The following IPO8 variants were observed in gnomAD, a reference collection of about 807,000 sequenced individuals.
IPO8 encodes the protein importin 8, also known as importin-8.
Under a neutral mutation model 141.2 loss-of-function variants are expected in IPO8, and 65 were observed. That is an observed-to-expected ratio of 0.46 (90% CI 0.38 to 0.57). The LOEUF (loss-of-function observed/expected upper bound fraction) is 0.57, where lower values mean the gene tolerates loss of function less well. Among genes scored for constraint, IPO8 ranks in the 20% least tolerant of loss-of-function variants. The probability of loss-of-function intolerance (pLI) is 0.00; values close to 1 mark genes in which losing one functional copy is unlikely to be tolerated. For synonymous variants in IPO8, 411 were observed against 420.3 expected, an observed-to-expected ratio of 0.98 and a Z score of 0.27; for missense variants, 980 against 1,246.8, an observed-to-expected ratio of 0.79 and a Z score of 3.22.
intron 18 of IPO8, 130 bp from the exon 19 acceptor site, chr12:30,652,419 G>A (rs1285784721): frequency 4.6e-6 from 3 of 651,892 alleles, no homozygotes; most frequent in African/African-American, 1.8e-5. Context: ...GGCTAGAAAT[G>A]AAAGTAATAA....
chr12:30,668,826 T>C (rs1467151760), intron 10 of IPO8, among the ~76,000 whole-genome samples: 1 of 152,180 alleles, frequency 6.6e-6, no homozygotes, highest in Non-Finnish European at 1.5e-5. Context: ...CCCTAAAATA[T>C]GCAGAAATCC....
chr12:30,639,763 C>CA, intron 20 of IPO8, 28 bp from the exon 21 acceptor site: 5 of 1,548,028 alleles, frequency 3.2e-6, no homozygotes, highest in Non-Finnish European at 4.5e-6. Context: ...GAAAGTCAAC[C>CA]ACACAGACAG....
intron 20 of IPO8, among the ~76,000 whole-genome samples, chr12:30,643,520 C>T (rs891887531): frequency 5.3e-5 from 8 of 152,162 alleles, no homozygotes; most frequent in Non-Finnish European, 8.8e-5. Context: ...GAAATTTGAT[C>T]CCCAGTGTGG....
rs950689636 is a variant in IPO8 at position 30,663,708 on chromosome 12, A to G, written c.1429-54T>C. ...GCTATTAGGATTATAGCATTCTGTA[A>G]TAATATCACAGATATAAGAACTTCT... On this transcript the variant is annotated intron_variant, in intron 13 of 24. Transcript: ENST00000256079. 4 of 1,326,342 alleles carry G rather than the reference A, an allele frequency of 3.0e-6. No individual in the cohort carries two copies. In the East Asian group the frequency reaches 9.8e-5, roughly 33 times the overall value. The allele number at this position is 1,326,342 out of a possible 1,614,324, so 82.2% of individuals were successfully genotyped here.
In IPO8 at chr12:30,651,775, C is replaced by G. The variant is rs957405164; in HGVS notation, c.2172+417G>C. On this transcript the variant is annotated intron_variant, in intron 19 of 24. Transcript: ENST00000256079. ...TTATAGATTATCTTGTTAAATGATG[C>G]TTTTCCAACTATTAAAATTTTTATC... Among the ~76,000 whole-genome samples the G allele has an allele frequency of 5.9e-5, 9 of 152,122 alleles. No homozygotes were observed. In the East Asian group the frequency reaches 1.4e-3, roughly 23 times the overall value.
At chr12:30,642,655 T>C (rs908415936) in intron 20 of IPO8, among the ~76,000 whole-genome samples, 2 of 151,098 alleles carry the variant, frequency 1.3e-5, no homozygotes, top group Non-Finnish European at 2.9e-5. Context: ...ATTATATATA[T>C]ACACACATAT....
intron 20 of IPO8, among the ~76,000 whole-genome samples, chr12:30,644,639 TG>T (rs921286784): frequency 1.1e-5 from 1 of 92,584 alleles, no homozygotes; most frequent in African/African-American, 5.9e-5. Context: ...TGCTTTTTGG[TG>T]TTTTTTTTTT....
At chr12:30,661,981 G>T (rs886432666) in intron 15 of IPO8, among the ~76,000 whole-genome samples, 20 of 152,122 alleles carry the variant, frequency 1.3e-4, no homozygotes, top group African/African-American at 4.8e-4. Context: ...GAAATGTGTC[G>T]TTAGGCAATT....
intron 15 of IPO8, among the ~76,000 whole-genome samples, chr12:30,661,538 G>A (rs2052887289): frequency 6.7e-6 from 1 of 148,592 alleles, no homozygotes; most frequent in South Asian, 2.1e-4. Context: ...TAGGACAAGT[G>A]AAATCAAGTA....
At chr12:30,655,937 G>C (rs532051110) in intron 17 of IPO8, among the ~76,000 whole-genome samples, 30 of 152,252 alleles carry the variant, frequency 2.0e-4, no homozygotes, top group African/African-American at 7.2e-4. Context: ...GCTTGAATAC[G>C]ATGGAAGACT....
chr12:30,662,381 TATC>T lies in IPO8; in HGVS notation c.1698_1700del (p.Met566del). 6.2e-7 allele frequency: 1 copy of T among 1,613,890 alleles called. No individual in the cohort carries two copies. Among genetic ancestry groups the T allele is most frequent in the Non-Finnish European group, 8.5e-7 (1 of 1,179,870 alleles). ...AGGCTACCTCTTGACTGTATTCACATATCATCTTCTGGATGACATTAGTAACAT... is the reference window on the plus strand; with the variant it reads ...AGGCTACCTCTTGACTGTATTCACATATCTTCTGGATGACATTAGTAACAT... On this transcript the variant is annotated inframe_deletion, in exon 15 of 25. Transcript: ENST00000256079.
At chr12:30,656,024 T>C (rs59483134) in intron 17 of IPO8, among the ~76,000 whole-genome samples, 10,872 of 152,220 alleles carry the variant, frequency 0.071, 1,160 homozygotes, top group African/African-American at 0.23. Flanking sequence ...TCAGGTACCA[T>C]AATAGATAAT....
chr12:30,692,400 T>C lies in IPO8; in HGVS notation c.85-1823A>G, dbSNP rs1212898149. 3.9e-5 allele frequency among the ~76,000 whole-genome samples: 6 copies of C among 152,210 alleles called. No homozygotes were observed. In the East Asian group the frequency reaches 9.6e-4, roughly 24 times the overall value. Reference sequence around the variant, plus strand: ...CAGCATTGATTCATTCTATATTAACTTGGCCAGCTAAAACATTCAGAGATA... The same window carrying C: ...CAGCATTGATTCATTCTATATTAACCTGGCCAGCTAAAACATTCAGAGATA... On this transcript the variant is annotated intron_variant, in intron 1 of 24. Transcript: ENST00000256079.
intron 22 of IPO8, among the ~76,000 whole-genome samples, chr12:30,636,273 T>C (rs1565492486): frequency 6.6e-6 from 1 of 152,116 alleles, no homozygotes; most frequent in African/African-American, 2.4e-5. Context: ...GGAAGAGTTC[T>C]GATTTTTCTC....
rs867496275 is a variant in IPO8 at position 30,677,116 on chromosome 12, G to T, written c.640-529C>A. On this transcript the variant is annotated intron_variant, in intron 5 of 24. Coordinates refer to ENST00000256079, the MANE Select transcript of IPO8 (RefSeq NM_006390.4). ...CCATTCAGTACAAAACATGCTACAT[G>T]CTACAGACATAATAAGATAGACAAT... 2.0e-5 allele frequency: 30 copies of T among 1,483,596 alleles called. 2 individuals are homozygous for T. In the Middle Eastern group the frequency reaches 4.0e-3, roughly 198 times the overall value. The allele number at this position is 1,483,596 out of a possible 1,614,324, so 91.9% of individuals were successfully genotyped here. A position where few individuals can be genotyped will look rare whatever the true frequency, so the allele number is the denominator to read the frequency against.
Position 30,666,152 on chromosome 12 carries a change from A to T in IPO8, c.1221+23T>A, listed in dbSNP as rs776204647. On this transcript the variant is annotated intron_variant, in intron 11 of 24. Coordinates refer to ENST00000256079, the MANE Select transcript of IPO8 (RefSeq NM_006390.4). The stretch of plus-strand genomic sequence containing the variant: ...AACACAGGCCACCTTTCAGTTTTGG[A>T]TTTAAAAAGAAAAATGAAATACCTC... 6 of 1,481,476 alleles carry T rather than the reference A, an allele frequency of 4.1e-6. No individual in the cohort carries two copies. In the Admixed American group the frequency reaches 8.1e-5, roughly 20 times the overall value. 91.8% of individuals were successfully genotyped at this position (1,481,476 alleles called of 1,614,324 possible). A position where few individuals can be genotyped will look rare whatever the true frequency, so the allele number is the denominator to read the frequency against.
At chr12:30,677,866 G>T (rs945431967) in intron 5 of IPO8, among the ~76,000 whole-genome samples, 5 of 152,092 alleles carry the variant, frequency 3.3e-5, no homozygotes, top group African/African-American at 9.7e-5. Flanking sequence ...GCCAGGCGTG[G>T]TGGCTCACGC....
chr12:30,679,803 G>C (rs1351572121), intron 5 of IPO8, among the ~76,000 whole-genome samples: 1 of 152,164 alleles, frequency 6.6e-6, no homozygotes, highest in East Asian at 1.9e-4. Flanking sequence ...ATGTAATAGA[G>C]TTTAATTCAT....
intron 17 of IPO8, among the ~76,000 whole-genome samples, chr12:30,655,329 T>A (rs866579891): frequency 1.1e-4 from 16 of 152,210 alleles, no homozygotes; most frequent in Non-Finnish European, 4.4e-5. Context: ...ATGTACTTTT[T>A]AAAAATATTT....
Sources: allele counts gnomAD v4.1 joint callset (sites outside exome capture counted in the v4.1 genomes callset), GRCh38; gene constraint gnomAD v4.1.1; transcripts MANE v1.5; gene names NCBI Gene and HGNC (gene_info 2026-07-23, HGNC 2026-07-21).